MSI2: variants seen among roughly 807,000 people sequenced by gnomAD.
MSI2 encodes musashi RNA binding protein 2.
In MSI2, 17 loss-of-function variants were observed where a neutral mutation model predicts 45.6. That is an observed-to-expected ratio of 0.37 (90% CI 0.26 to 0.56). MSI2 has a LOEUF of 0.56. MSI2 is among the 20% of genes least tolerant of loss of function. The pLI is 0.77. For missense variants in MSI2, 293 were observed against 444.2 expected (o/e 0.66, Z 3.06); for synonymous variants, 156 against 158.2 (o/e 0.99, Z 0.11).
the MSI2 span, among the ~76,000 whole-genome samples, chr17:57,697,163 C>CACACTCACACACACACAG: frequency 6.6e-6 from 1 of 152,062 alleles, no homozygotes; most frequent in African/African-American, 2.4e-5. Flanking sequence ...CACACACACA[C>CACACTCACACACACACAG]AGGCTCTCTC....
intron 7 of MSI2, among the ~76,000 whole-genome samples, chr17:57,573,663 T>C (rs1598412264): frequency 6.6e-6 from 1 of 152,244 alleles, no homozygotes; most frequent in Non-Finnish European, 1.5e-5. Context: ...CTCTATTATA[T>C]GGCAGCTTAT....
intron 11 of MSI2, among the ~76,000 whole-genome samples, chr17:57,653,459 C>T (rs1353981175): frequency 6.6e-6 from 1 of 152,114 alleles, no homozygotes; most frequent in East Asian, 1.9e-4. Flanking sequence ...CCCCACCTGC[C>T]CTCTGGCCAG....
chr17:57,414,606 G>A (rs1165930270), intron 6 of MSI2, among the ~76,000 whole-genome samples: 1 of 152,114 alleles, frequency 6.6e-6, no homozygotes, highest in African/African-American at 2.4e-5. Flanking sequence ...GGCCAGGCTG[G>A]TCTCAAACTC....
chr17:57,679,123 G>T (rs1247087756), intron 13 of MSI2, among the ~76,000 whole-genome samples: 1 of 152,186 alleles, frequency 6.6e-6, no homozygotes, highest in African/African-American at 2.4e-5. Context: ...AGGCAAGTTT[G>T]TGGGGTTTTT....
At chr17:57,693,921 A>G in the MSI2 span, among the ~76,000 whole-genome samples, 1 of 152,264 alleles carries the variant, frequency 6.6e-6, no homozygotes, top group Non-Finnish European at 1.5e-5. Context: ...TGAGTTAAGA[A>G]TGGTTTTTAT....
At chr17:57,258,231 T>G (rs1294249733) in intron 3 of MSI2, 39 bp from the exon 4 acceptor site, 1 of 1,591,746 alleles carries the variant, frequency 6.3e-7, no homozygotes, top group Non-Finnish European at 8.6e-7. Flanking sequence ...TGGTGTCACA[T>G]TTTCTTGTTT....
chr17:57,608,776 A>G (rs528311086), intron 8 of MSI2, among the ~76,000 whole-genome samples: 1 of 152,294 alleles, frequency 6.6e-6, no homozygotes, highest in African/African-American at 2.4e-5. Flanking sequence ...AACTCTGATC[A>G]AGGGCTTGTT....
At chr17:57,516,482 C>G (rs2086472457) in intron 6 of MSI2, among the ~76,000 whole-genome samples, 1 of 152,140 alleles carries the variant, frequency 6.6e-6, no homozygotes, top group South Asian at 2.1e-4. Context: ...GTACATCAAG[C>G]CGGGTACACT....
rs183845395 is a variant in MSI2, at chr17:57,284,337, C to T, written c.312+22145C>T. 1.1e-4 allele frequency among the ~76,000 whole-genome samples: 16 copies of T among 152,192 alleles called. No individual in the cohort carries two copies. In the East Asian group the frequency reaches 2.5e-3, roughly 24 times the overall value. ...CTGCCCCTGCCATCCACCCCGCACC[C>T]GCCACCCCGAAACGTTTGTAGTACA... On this transcript the variant is annotated intron_variant, in intron 5 of 13. Coordinates refer to ENST00000284073, the MANE Select transcript of MSI2 (RefSeq NM_138962.4).
At position 57,469,815 on chromosome 17, in the gene MSI2, A is replaced by G. The variant is rs576339748; in HGVS notation, c.406-59861A>G. Among the ~76,000 whole-genome samples, 7 of 152,346 alleles carry G rather than the reference A, an allele frequency of 4.6e-5. No individual in the cohort carries two copies. The East Asian group carries it at 1.3e-3, about 29-fold the overall frequency. On this transcript the variant is annotated intron_variant, in intron 6 of 13. Transcript: ENST00000284073. ...TCTGCTTTTGGATCTTCTGAAGTGCACATCTGATTTTGCATTCCACTGCTT... is the reference window on the plus strand; with the variant it reads ...TCTGCTTTTGGATCTTCTGAAGTGCGCATCTGATTTTGCATTCCACTGCTT...
chr17:57,469,846 C>T lies in MSI2; in HGVS notation c.406-59830C>T, dbSNP rs80169704. Among the ~76,000 whole-genome samples the T allele has an allele frequency of 7.1e-3, 1,084 of 152,318 alleles. 11 individuals carry two copies. The highest frequency in any genetic ancestry group is 0.024 in the African/African-American group (1,004 of 41,560). On this transcript the variant is annotated intron_variant, in intron 6 of 13. Coordinates refer to ENST00000284073, the MANE Select transcript of MSI2 (RefSeq NM_138962.4). ...GATTTTGCATTCCACTGCTTGTAGC[C>T]CTGGGATAAAATCCAGACAGCTGCA...
At chr17:57,480,392 C>T (rs552509126) in intron 6 of MSI2, among the ~76,000 whole-genome samples, 1 of 152,290 alleles carries the variant, frequency 6.6e-6, no homozygotes, top group South Asian at 2.1e-4. Context: ...ATAAAACCCC[C>T]CAAAAGCTAT....
intron 1 of MSI2, 63 bp downstream of exon 1, chr17:57,256,867 C>G: frequency 1.6e-6 from 2 of 1,287,384 alleles, no homozygotes; most frequent in Non-Finnish European, 1.0e-6. Context: ...GCGGCGGGGA[C>G]GGCGGTGCGC....
At chr17:57,694,319 G>A in the MSI2 span, among the ~76,000 whole-genome samples, 2 of 152,200 alleles carry the variant, frequency 1.3e-5, no homozygotes, top group African/African-American at 4.8e-5. Context: ...TTAAGATGGA[G>A]GCTGGGTTGC....
chr17:57,299,491 T>C (rs1911258651), intron 5 of MSI2, among the ~76,000 whole-genome samples: 1 of 152,204 alleles, frequency 6.6e-6, no homozygotes, highest in Admixed American at 6.5e-5. Flanking sequence ...ATTGGGCTAA[T>C]TTCAGTATTG....
chr17:57,697,943 C>T, the MSI2 span, among the ~76,000 whole-genome samples: 8 of 152,266 alleles, frequency 5.3e-5, no homozygotes, highest in Non-Finnish European at 1.0e-4. Flanking sequence ...CCTTCATGCC[C>T]ACTTTGAATC....
intron 7 of MSI2, among the ~76,000 whole-genome samples, chr17:57,588,419 T>C (rs1328713393): frequency 6.6e-6 from 1 of 152,202 alleles, no homozygotes; most frequent in Non-Finnish European, 1.5e-5. Flanking sequence ...CAAAGAAACT[T>C]CTAGCATCAA....
At chr17:57,685,022 C>T (rs1310349198), downstream of MSI2, among the ~76,000 whole-genome samples, 1 of 152,150 alleles carries the variant, frequency 6.6e-6, no homozygotes, top group Non-Finnish European at 1.5e-5. Context: ...GTGGAAGGAG[C>T]TAAGGGGCCC....
intron 7 of MSI2, among the ~76,000 whole-genome samples, chr17:57,577,723 A>G (rs1340095131): frequency 6.6e-6 from 1 of 152,214 alleles, no homozygotes; most frequent in Non-Finnish European, 1.5e-5. Context: ...TTATTTATGA[A>G]AAAAGGTTAT....
Sources: allele counts gnomAD v4.1 joint callset (sites outside exome capture counted in the v4.1 genomes callset), GRCh38; gene constraint gnomAD v4.1.1; transcripts MANE v1.5; gene names NCBI Gene and HGNC (gene_info 2026-07-23, HGNC 2026-07-21).